The following BLTP1 variants were observed in gnomAD, a reference collection of about 807,000 sequenced individuals.
BLTP1 encodes the protein bridge-like lipid transfer protein family member 1.
chr4:122,209,969 T>G, the BLTP1 span: 5 of 1,586,626 alleles, frequency 3.2e-6, no homozygotes, highest in East Asian at 1.1e-4. Flanking sequence ...GCTGCTATTA[T>G]GATTGATAAT....
chr4:122,217,589 T>G, the BLTP1 span, among the ~76,000 whole-genome samples: 108 of 152,314 alleles, frequency 7.1e-4, no homozygotes, highest in Non-Finnish European at 1.4e-3. Context: ...GTGAATTATC[T>G]TTTTGATATG....
the BLTP1 span, among the ~76,000 whole-genome samples, chr4:122,338,703 C>G: frequency 8.5e-5 from 13 of 152,062 alleles, no homozygotes; most frequent in African/African-American, 1.7e-4. Flanking sequence ...AAAAGAGACA[C>G]CCCTCTGTAT....
chr4:122,230,773 C>T, the BLTP1 span, among the ~76,000 whole-genome samples: 1 of 152,124 alleles, frequency 6.6e-6, no homozygotes, highest in South Asian at 2.1e-4. Flanking sequence ...CCCCATCTTC[C>T]CCATTGTATA....
chr4:122,312,600 G>C, the BLTP1 span: 1 of 151,028 alleles, frequency 6.6e-6, no homozygotes, highest in Non-Finnish European at 1.5e-5. Flanking sequence ...ATTAGAATTT[G>C]TATGTGAGAC....
At chr4:122,181,098 C>A in the BLTP1 span, 1 of 163,826 alleles carries the variant, frequency 6.1e-6, no homozygotes, top group African/African-American at 2.4e-5. Flanking sequence ...TTCCAAAAGA[C>A]AGTCTTTATC....
At chr4:122,246,656 AG>A in the BLTP1 span, 1 of 1,593,648 alleles carries the variant, frequency 6.3e-7, no homozygotes, top group Non-Finnish European at 8.6e-7. Context: ...TTCACTTGTC[AG>A]TTCTGAAATT....
At chr4:122,193,121 C>T in the BLTP1 span, among the ~76,000 whole-genome samples, 49 of 152,204 alleles carry the variant, frequency 3.2e-4, no homozygotes, top group African/African-American at 1.1e-3. Flanking sequence ...TGGATTAGGA[C>T]AGCATACACT....
chr4:122,320,619 A>T, the BLTP1 span, among the ~76,000 whole-genome samples: 11 of 152,118 alleles, frequency 7.2e-5, no homozygotes, highest in African/African-American at 2.7e-4. Flanking sequence ...TCTTTTAATT[A>T]GTGATAGGAT....
the BLTP1 span, chr4:122,187,934 CTG>C: frequency 2.5e-6 from 4 of 1,588,264 alleles, no homozygotes; most frequent in Non-Finnish European, 8.5e-7. Context: ...GCCGCAAACT[CTG>C]TGCATCAACT....
At chr4:122,318,095 G>A in the BLTP1 span, 1 of 1,553,248 alleles carries the variant, frequency 6.4e-7, no homozygotes, top group Non-Finnish European at 8.7e-7. Context: ...TAAAAAATCA[G>A]TCTTACTTTG....
At chr4:122,268,188 TAAAA>T in the BLTP1 span, among the ~76,000 whole-genome samples, 2 of 151,730 alleles carry the variant, frequency 1.3e-5, no homozygotes, top group African/African-American at 2.4e-5. Flanking sequence ...TATAGGGAAA[TAAAA>T]AAAAGTAAAA....
chr4:122,254,178 C>T, the BLTP1 span: 1 of 1,609,620 alleles, frequency 6.2e-7, no homozygotes, highest in East Asian at 2.2e-5. Flanking sequence ...AAGTTTTTGG[C>T]ATTCTATTTT....
chr4:122,154,357 C>T, the BLTP1 span: 1 of 984,362 alleles, frequency 1.0e-6, no homozygotes, highest in Admixed American at 6.2e-5. Context: ...GCCTATATTG[C>T]TAGGGAATGG....
At chr4:122,229,562 A>T in the BLTP1 span, 1 of 248,800 alleles carries the variant, frequency 4.0e-6, no homozygotes, top group Non-Finnish European at 6.4e-6. Flanking sequence ...TAGGATTCAT[A>T]CATTTATATT....
At chr4:122,249,970 G>A in the BLTP1 span, 2 of 970,232 alleles carry the variant, frequency 2.1e-6, no homozygotes, top group Non-Finnish European at 2.5e-6. Flanking sequence ...TTGAAACTTT[G>A]CATCTTTGAA....
At chr4:122,248,077 T>G in the BLTP1 span, 31 of 985,268 alleles carry the variant, frequency 3.1e-5, no homozygotes, top group East Asian at 3.1e-3. Flanking sequence ...CCATGATTCC[T>G]GTCTGCATTC....
At chr4:122,263,476 T>C in the BLTP1 span, 1 of 1,609,438 alleles carries the variant, frequency 6.2e-7, no homozygotes, top group Non-Finnish European at 8.5e-7. Flanking sequence ...TATCTGAACA[T>C]CCCTTGCTAT....
At chr4:122,344,618 CCT>C in the BLTP1 span, 5 of 1,318,216 alleles carry the variant, frequency 3.8e-6, no homozygotes, top group South Asian at 6.1e-5. Context: ...TAAATAATGG[CCT>C]CTGTTTTAAT....
the BLTP1 span, chr4:122,291,025 G>C: frequency 2.2e-6 from 1 of 448,016 alleles, no homozygotes; most frequent in Admixed American, 6.4e-5. Flanking sequence ...AGGTAGTTTT[G>C]ATTAAAGAGA....
Sources: gnomAD v4.1 joint callset for allele counts (sites outside exome capture counted in the v4.1 genomes callset) on GRCh38, gnomAD v4.1.1 for gene constraint, MANE v1.5 for transcripts, NCBI Gene and HGNC (gene_info 2026-07-23, HGNC 2026-07-21) for gene names.